Variants in SDK1 observed in about 807,000 individuals in gnomAD.
The protein encoded by SDK1 is protein sidekick-1.
A neutral mutation model predicts 245.5 loss-of-function variants in SDK1; 157 were observed. That is an observed-to-expected ratio of 0.64 (90% CI 0.56 to 0.73). SDK1 has a LOEUF of 0.73. Ranked by LOEUF, SDK1 falls within the 30% of genes least tolerant of loss-of-function variation. SDK1 has a pLI of 0.00. For synonymous variants in SDK1, 1,647 were observed against 1,278.5 expected (o/e 1.29, Z -6.15); for missense variants, 3,583 against 3,002.3 (o/e 1.19, Z -4.52).
At chr7:3,947,978 T>A (rs1780646746) in intron 5 of SDK1, among the ~76,000 whole-genome samples, 1 of 152,210 alleles carries the variant, frequency 6.6e-6, no homozygotes, top group Non-Finnish European at 1.5e-5. Flanking sequence ...ATGTTCTTTT[T>A]AATTTATGTG....
rs1003808821 is a variant in SDK1, at chr7:3,622,886, A to G, written c.458+3647A>G. ...CACTTAGATGGGTTATCAGGAATCT[A>G]TCATAGCTTGCTTTTTTTTTTCCCC... On this transcript the variant is annotated intron_variant, in intron 2 of 44. Transcript: ENST00000404826. Among the ~76,000 whole-genome samples, 6 of 152,228 alleles carry G rather than the reference A, an allele frequency of 3.9e-5. No individual in the cohort carries two copies. The South Asian group carries it at 1.0e-3, about 26-fold the overall frequency.
At chr7:3,360,300 G>C (rs1307380413) in intron 1 of SDK1, among the ~76,000 whole-genome samples, 2 of 152,184 alleles carry the variant, frequency 1.3e-5, no homozygotes, top group Non-Finnish European at 2.9e-5. Context: ...GCAATCTGTT[G>C]AATGAAGCTC....
At chr7:3,718,220 C>T (rs1358632799) in intron 4 of SDK1, among the ~76,000 whole-genome samples, 1 of 152,108 alleles carries the variant, frequency 6.6e-6, no homozygotes, top group South Asian at 2.1e-4. Flanking sequence ...CAACACTCAG[C>T]TGGTTGCGGT....
intron 4 of SDK1, among the ~76,000 whole-genome samples, chr7:3,790,598 G>T (rs896918026): frequency 6.6e-6 from 1 of 152,114 alleles, no homozygotes; most frequent in Admixed American, 6.5e-5. Context: ...ACTTGAGGTC[G>T]GGAGTTCGAG....
At chr7:3,728,691 C>T (rs565588286) in intron 4 of SDK1, among the ~76,000 whole-genome samples, 14 of 152,284 alleles carry the variant, frequency 9.2e-5, no homozygotes, top group African/African-American at 3.4e-4. Context: ...CTGTATCCTC[C>T]ACCTCCTGGG....
rs932630024 is a variant in SDK1 at position 4,233,344 on chromosome 7, A to C, written c.5917A>C (p.Thr1973Pro). The part of the protein sequence containing the change: ...LSLDKLRQGV[T>P]YEFRVVAVNE... ...CCTGGATAAGCTCCGGCAAGGAGTG[A>C]CTTACGAGTTCCGGGTGGTGGCTGT... The change falls in exon 41 of 45, where the codon ACT becomes CCT. Residue 1973 changes from threonine (T) to proline (P), a missense_variant. Coordinates refer to ENST00000404826, the MANE Select transcript of SDK1 (RefSeq NM_152744.4). 3.7e-6 allele frequency: 6 copies of C among 1,613,796 alleles called. 1 individual carries two copies. Among genetic ancestry groups the C allele is most frequent in the Non-Finnish European group, 5.1e-6 (6 of 1,180,044 alleles).
intron 1 of SDK1, among the ~76,000 whole-genome samples, chr7:3,489,178 G>GT (rs1781794441): frequency 6.6e-6 from 1 of 152,088 alleles, no homozygotes; most frequent in African/African-American, 2.4e-5. Context: ...AAGGCTAGGG[G>GT]TGGGTGCAGG....
At chr7:3,820,350 A>G (rs1252323006) in intron 4 of SDK1, among the ~76,000 whole-genome samples, 1 of 152,108 alleles carries the variant, frequency 6.6e-6, no homozygotes, top group Non-Finnish European at 1.5e-5. Context: ...AGGTTTCACC[A>G]TGTTGGCCAG....
chr7:4,237,556 C>G, intron 41 of SDK1, 91 bp from the exon 42 acceptor site: 1 of 1,482,976 alleles, frequency 6.7e-7, no homozygotes, highest in Non-Finnish European at 9.3e-7. Context: ...TTATCTACCC[C>G]AGCCTTCCCT....
intron 17 of SDK1, among the ~76,000 whole-genome samples, chr7:4,040,933 A>G (rs1348679896): frequency 6.6e-6 from 1 of 152,130 alleles, no homozygotes; most frequent in Admixed American, 6.5e-5. Context: ...TAGCTTGCTT[A>G]TCTATGTCTG....
At chr7:3,562,864 G>T (rs1779789668) in intron 1 of SDK1, among the ~76,000 whole-genome samples, 1 of 152,204 alleles carries the variant, frequency 6.6e-6, no homozygotes, top group Non-Finnish European at 1.5e-5. Context: ...GAAACATGCT[G>T]GGAGGAAATA....
intron 1 of SDK1, among the ~76,000 whole-genome samples, chr7:3,351,728 G>A (rs57893579): frequency 6.6e-6 from 1 of 151,972 alleles, no homozygotes; most frequent in South Asian, 2.1e-4. Flanking sequence ...TTCAGATATA[G>A]GTACATATTA....
intron 1 of SDK1, among the ~76,000 whole-genome samples, chr7:3,314,061 CA>C (rs1779609150): frequency 6.6e-6 from 1 of 152,020 alleles, no homozygotes; most frequent in South Asian, 2.1e-4. Context: ...GCATACACAC[CA>C]AAAAATACAG....
At chr7:4,031,575 A>T (rs1787821959) in intron 17 of SDK1, among the ~76,000 whole-genome samples, 1 of 151,042 alleles carries the variant, frequency 6.6e-6, no homozygotes, top group African/African-American at 2.4e-5. Context: ...AAAGACACAC[A>T]CACTTACATA....
At chr7:4,044,074 CA>C (rs1416463065) in intron 17 of SDK1, among the ~76,000 whole-genome samples, 2 of 152,222 alleles carry the variant, frequency 1.3e-5, no homozygotes, top group Non-Finnish European at 2.9e-5. Flanking sequence ...AGATTAAAAG[CA>C]ACACCTGTTT....
chr7:4,151,536 C>A (rs1780382529), intron 30 of SDK1, among the ~76,000 whole-genome samples: 1 of 152,170 alleles, frequency 6.6e-6, no homozygotes, highest in Non-Finnish European at 1.5e-5. Context: ...TGCAGCAGCT[C>A]CGGCTTGATG....
chr7:3,427,714 T>A lies in SDK1; in HGVS notation c.298+125830T>A, dbSNP rs1779716524. Among the ~76,000 whole-genome samples, 3 of 152,138 alleles carry A rather than the reference T, an allele frequency of 2.0e-5. No homozygotes were observed. In the South Asian group the frequency reaches 6.2e-4, roughly 32 times the overall value. ...CGTATTTCATCCTTTGTGCTTTCAG[T>A]GAGTTTCATTAATGTGAAGTTTTTT... On this transcript the variant is annotated intron_variant, in intron 1 of 44. Transcript: ENST00000404826.
At chr7:4,182,062 G>A (rs1009167907) in intron 35 of SDK1, among the ~76,000 whole-genome samples, 11 of 152,204 alleles carry the variant, frequency 7.2e-5, no homozygotes, top group African/African-American at 2.4e-4. Flanking sequence ...TGGGATTACA[G>A]GCGCCCGCCA....
At chr7:3,808,548 CA>C (rs1779307084) in intron 4 of SDK1, among the ~76,000 whole-genome samples, 2 of 152,182 alleles carry the variant, frequency 1.3e-5, no homozygotes, top group African/African-American at 4.8e-5. Context: ...CACCGTGAGG[CA>C]GAAGAGACAT....
Sources: allele counts gnomAD v4.1 joint callset (sites outside exome capture counted in the v4.1 genomes callset), GRCh38; gene constraint gnomAD v4.1.1; transcripts MANE v1.5; gene names NCBI Gene and HGNC (gene_info 2026-07-23, HGNC 2026-07-21).